The following LYRM4 variants were observed in gnomAD, a reference collection of about 807,000 sequenced individuals.
LYRM4 encodes the protein LYR motif containing 4.
A neutral mutation model predicts 11.7 loss-of-function variants in LYRM4; 9 were observed. That is an observed-to-expected ratio of 0.77 (90% CI 0.46 to 1.34). The LOEUF is 1.34. Ranked by LOEUF, LYRM4 falls within the 40% of genes most tolerant of loss-of-function variation. LYRM4 has a pLI of 0.00. For missense variants in LYRM4, 133 were observed against 112.5 expected (o/e 1.18, Z -0.82); for synonymous variants, 42 against 40.4 (o/e 1.04, Z -0.15).
chr6:5,040,368 C>G, the LYRM4 span, among the ~76,000 whole-genome samples: 174 of 135,894 alleles, frequency 1.3e-3, no homozygotes, highest in African/African-American at 3.2e-3. Flanking sequence ...TACATACATA[C>G]ATACATACAT....
intron 1 of LYRM4, among the ~76,000 whole-genome samples, chr6:5,228,083 T>C (rs778800614): frequency 1.2e-4 from 19 of 152,148 alleles, no homozygotes; most frequent in Non-Finnish European, 2.2e-4. Flanking sequence ...CAAACCACCA[T>C]GGCACTTGTA....
chr6:5,201,658 G>A (rs1334314812), intron 2 of LYRM4, among the ~76,000 whole-genome samples: 1 of 152,146 alleles, frequency 6.6e-6, no homozygotes, highest in Non-Finnish European at 1.5e-5. Context: ...TGAAGATCCA[G>A]GGCACCAAGA....
the LYRM4 span, chr6:5,086,221 A>G: frequency 6.5e-7 from 1 of 1,535,328 alleles, no homozygotes; most frequent in South Asian, 1.2e-5. Flanking sequence ...CCCTGGGCCC[A>G]GGGCCGTGAC....
In LYRM4 at chr6:5,109,237, A is replaced by G. The variant is rs1762767108; in HGVS notation, c.*186T>C. 4.8e-6 allele frequency: 7 copies of G among 1,447,900 alleles called. No homozygotes were observed. Among genetic ancestry groups the G allele is most frequent in the Non-Finnish European group, 6.4e-6 (7 of 1,100,160 alleles). The allele number at this position is 1,447,900 out of a possible 1,614,324, so 89.7% of individuals were successfully genotyped here. On this transcript the variant is annotated 3_prime_UTR_variant, in exon 3 of 3. Coordinates refer to ENST00000330636, the MANE Select transcript of LYRM4 (RefSeq NM_020408.6). ...GCTCTCCATTCTAACACTTGAACCA[A>G]GGAAAGACAGCAGTCCTTTTTCACT...
At chr6:5,243,270 C>A (rs1265151094) in intron 1 of LYRM4, among the ~76,000 whole-genome samples, 1 of 152,198 alleles carries the variant, frequency 6.6e-6, no homozygotes, top group East Asian at 1.9e-4. Flanking sequence ...GACGCTCATG[C>A]CCGGGGCGCA....
chr6:5,123,833 G>C (rs1410062110), intron 2 of LYRM4, among the ~76,000 whole-genome samples: 1 of 152,224 alleles, frequency 6.6e-6, no homozygotes, highest in Non-Finnish European at 1.5e-5. Context: ...GTGGTGACAG[G>C]CCACCATCGA....
the LYRM4 span, chr6:5,032,074 G>T: frequency 6.6e-6 from 1 of 152,158 alleles, no homozygotes; most frequent in East Asian, 1.9e-4. Flanking sequence ...TTACCACTAG[G>T]CTGTAAAAAT....
chr6:5,066,088 G>T, the LYRM4 span: 1 of 431,860 alleles, frequency 2.3e-6, no homozygotes, highest in Non-Finnish European at 4.4e-6. Context: ...AGTCATTCGA[G>T]TAAGATACAG....
intron 2 of LYRM4, among the ~76,000 whole-genome samples, chr6:5,124,623 G>A (rs1048038597): frequency 1.3e-5 from 2 of 152,174 alleles, no homozygotes; most frequent in African/African-American, 4.8e-5. Context: ...ATGATGGCAA[G>A]CAGGTAGCCA....
chr6:5,082,683 A>G, the LYRM4 span, among the ~76,000 whole-genome samples: 5 of 152,230 alleles, frequency 3.3e-5, no homozygotes, highest in African/African-American at 1.2e-4. Context: ...TTTGTCCTGT[A>G]TCCAGAATGA....
At chr6:5,167,385 C>T (rs1359040854) in intron 2 of LYRM4, among the ~76,000 whole-genome samples, 1 of 152,162 alleles carries the variant, frequency 6.6e-6, no homozygotes, top group Non-Finnish European at 1.5e-5. Context: ...CAGACTAATT[C>T]CTCCACACTC....
intron 1 of LYRM4, among the ~76,000 whole-genome samples, chr6:5,248,769 G>A (rs1764307253): frequency 6.6e-6 from 1 of 152,202 alleles, no homozygotes; most frequent in Non-Finnish European, 1.5e-5. Context: ...TTGTCACCAT[G>A]CTGTTGTAGA....
chr6:5,249,717 G>A (rs1223348298), intron 1 of LYRM4, among the ~76,000 whole-genome samples: 1 of 152,140 alleles, frequency 6.6e-6, no homozygotes, highest in Admixed American at 6.5e-5. Context: ...GAAACTCTCA[G>A]CTTGGTTCAT....
chr6:5,113,391 C>T lies in LYRM4; in HGVS notation c.208-3900G>A, dbSNP rs777820678. 2.6e-4 allele frequency: 109 copies of T among 419,840 alleles called. 2 individuals carry two copies. The highest frequency in any genetic ancestry group is 5.3e-5 in the Non-Finnish European group (11 of 206,620). 26.0% of individuals were successfully genotyped at this position (419,840 alleles called of 1,614,324 possible). A position where few individuals can be genotyped will look rare whatever the true frequency, so the allele number is the denominator to read the frequency against. On this transcript the variant is annotated intron_variant, in intron 2 of 2. Transcript: ENST00000330636. ...TGAGATCACGCCACTGCACTCCAGC[C>T]TGGGTGACAGAGCGAGATTCCGTTA...
chr6:5,089,909 A>G, the LYRM4 span, among the ~76,000 whole-genome samples: 1 of 152,202 alleles, frequency 6.6e-6, no homozygotes, highest in African/African-American at 2.4e-5. Flanking sequence ...AGTGAAATGT[A>G]AAGGTAATAA....
downstream of LYRM4, among the ~76,000 whole-genome samples, chr6:5,100,883 C>T (rs890234569): frequency 6.6e-6 from 1 of 152,226 alleles, no homozygotes; most frequent in Non-Finnish European, 1.5e-5. Context: ...CTCCATTGCT[C>T]ATCAAGTCCA....
chr6:5,104,044 A>G (rs997831784), downstream of LYRM4: 1 of 152,088 alleles, frequency 6.6e-6, no homozygotes, highest in Non-Finnish European at 1.5e-5. Context: ...ATACTTGTTG[A>G]TATTTTACTG....
the LYRM4 span, among the ~76,000 whole-genome samples, chr6:5,055,456 G>T: frequency 8.4e-4 from 128 of 152,284 alleles, 1 homozygote; most frequent in Non-Finnish European, 1.0e-4. The surrounding 1 kb of genome is among the most constrained non-coding windows in gnomAD (Gnocchi z 4.5). Context: ...GAATGGACAC[G>T]GTTTCACCCT....
intron 2 of LYRM4, among the ~76,000 whole-genome samples, chr6:5,173,371 C>G (rs998384965): frequency 3.3e-5 from 5 of 152,222 alleles, no homozygotes; most frequent in Admixed American, 2.0e-4. Context: ...TTAGGCTACC[C>G]TTGAGCTAGC....
Sources: allele counts gnomAD v4.1 joint callset (sites outside exome capture counted in the v4.1 genomes callset), GRCh38; gene constraint gnomAD v4.1.1; non-coding constraint Gnocchi (gnomAD v3.1); transcripts MANE v1.5; gene names NCBI Gene and HGNC (gene_info 2026-07-23, HGNC 2026-07-21).